SORCS1: variants seen among roughly 807,000 people sequenced by gnomAD.
SORCS1 encodes sortilin related VPS10 domain containing receptor 1.
Under a neutral mutation model 146.1 loss-of-function variants are expected in SORCS1, and 60 were observed. The ratio of observed to expected loss-of-function variants is 0.41; its 90% CI spans 0.33 to 0.51. SORCS1 has a LOEUF of 0.51. Ranked by LOEUF, SORCS1 falls within the 20% of genes least tolerant of loss-of-function variation. The pLI is 0.21. For missense variants in SORCS1, 1,352 were observed against 1,487.6 expected (o/e 0.91, Z 1.50); for synonymous variants, 637 against 584.0 (o/e 1.09, Z -1.31).
At chr10:106,979,589 CA>C (rs748930225) in intron 1 of SORCS1, among the ~76,000 whole-genome samples, 149 of 147,694 alleles carry the variant, frequency 1.0e-3, no homozygotes, top group African/African-American at 3.1e-3. Context: ...AAACAAAAAA[CA>C]AAAAAAAAAC....
intron 2 of SORCS1, among the ~76,000 whole-genome samples, chr10:106,937,820 C>T (rs572701734): frequency 5.3e-4 from 81 of 151,806 alleles, no homozygotes; most frequent in African/African-American, 8.2e-4. Context: ...AAAAATTAGC[C>T]GGACATGGTG....
At chr10:107,027,656 C>A (rs1420759231) in intron 1 of SORCS1, among the ~76,000 whole-genome samples, 1 of 152,158 alleles carries the variant, frequency 6.6e-6, no homozygotes, top group African/African-American at 2.4e-5. Context: ...CTGGATCCAG[C>A]CTGATTTATC....
chr10:106,883,952 C>G (rs978464055), intron 2 of SORCS1, among the ~76,000 whole-genome samples: 3 of 152,150 alleles, frequency 2.0e-5, no homozygotes, highest in Non-Finnish European at 4.4e-5. Flanking sequence ...ACACCCATAG[C>G]TAGAGTTCTG....
rs1969123835 is a variant in SORCS1 at position 107,154,578 on chromosome 10, A to G, written c.558+9391T>C. On this transcript the variant is annotated intron_variant, in intron 1 of 25. Transcript: ENST00000263054. ...TAAAATTGGAAATATTTAGTAAGCA[A>G]ATATTAAGTGGAAACAGCTAGAGTT... 2.0e-5 allele frequency among the ~76,000 whole-genome samples: 3 copies of G among 152,344 alleles called. 1 individual carries two copies. The South Asian group carries it at 6.2e-4, about 32-fold the overall frequency.
At chr10:106,612,473 A>G (rs1847072671) in intron 21 of SORCS1, among the ~76,000 whole-genome samples, 1 of 140,356 alleles carries the variant, frequency 7.1e-6, no homozygotes. Context: ...GGGCTTAGGG[A>G]TTGGTTTGAC....
At chr10:106,722,342 A>G (rs1289976466) in intron 6 of SORCS1, among the ~76,000 whole-genome samples, 1 of 152,170 alleles carries the variant, frequency 6.6e-6, no homozygotes, top group Non-Finnish European at 1.5e-5. Context: ...TACCTTATCC[A>G]GATTTTGACA....
chr10:106,971,227 G>C (rs1955772467), intron 1 of SORCS1, among the ~76,000 whole-genome samples: 2 of 152,140 alleles, frequency 1.3e-5, no homozygotes, highest in African/African-American at 4.8e-5. Context: ...CTCTAAGTAA[G>C]AATGGCCTGG....
At chr10:106,638,893 C>T (rs553063412) in intron 18 of SORCS1, among the ~76,000 whole-genome samples, 48 of 152,268 alleles carry the variant, frequency 3.2e-4, no homozygotes, top group African/African-American at 1.1e-3. Context: ...GATGGTAGGA[C>T]CTGATGATCC....
chr10:107,143,784 G>A (rs984880672), intron 1 of SORCS1, among the ~76,000 whole-genome samples: 2 of 152,008 alleles, frequency 1.3e-5, no homozygotes, highest in South Asian at 4.2e-4. Flanking sequence ...GATTATGGGT[G>A]TGAGCCACCA....
At chr10:106,889,436 G>A (rs1006585111) in intron 2 of SORCS1, among the ~76,000 whole-genome samples, 1 of 152,070 alleles carries the variant, frequency 6.6e-6, no homozygotes, top group African/African-American at 2.4e-5. Flanking sequence ...ACAAAAGAGA[G>A]CCCCAGGTAA....
At chr10:106,774,670 A>G (rs937457526) in intron 4 of SORCS1, among the ~76,000 whole-genome samples, 2 of 152,196 alleles carry the variant, frequency 1.3e-5, no homozygotes, top group Non-Finnish European at 2.9e-5. Flanking sequence ...CTAGATCTCT[A>G]TCTCCTGAAC....
At chr10:106,834,413 T>C (rs541569391) in intron 2 of SORCS1, among the ~76,000 whole-genome samples, 1 of 152,352 alleles carries the variant, frequency 6.6e-6, no homozygotes, top group Admixed American at 6.5e-5. Context: ...TATTCTAATA[T>C]ACATTGAACC....
rs1187131111 is a variant in SORCS1, at chr10:106,910,374, T to C, written c.626+46139A>G. 3.3e-5 allele frequency among the ~76,000 whole-genome samples: 5 copies of C among 151,638 alleles called. No individual in the cohort carries two copies. The East Asian group carries it at 9.7e-4, about 29-fold the overall frequency. On this transcript the variant is annotated intron_variant, in intron 2 of 25. Transcript: ENST00000263054. The stretch of plus-strand genomic sequence containing the variant: ...CACAAGCGAGAGAGAGGGCCACATT[T>C]TATATAGTTAATGACAGTATCATAT...
At chr10:106,842,090 G>A (rs886533967) in intron 2 of SORCS1, among the ~76,000 whole-genome samples, 3 of 152,042 alleles carry the variant, frequency 2.0e-5, no homozygotes, top group Non-Finnish European at 4.4e-5. Context: ...GGCATTTGGT[G>A]TTCTCAGTGT....
At chr10:106,921,414 T>G (rs1952705199) in intron 2 of SORCS1, among the ~76,000 whole-genome samples, 1 of 152,204 alleles carries the variant, frequency 6.6e-6, no homozygotes, top group Admixed American at 6.5e-5. Flanking sequence ...GAAAATGGAC[T>G]TCAGAGCATA....
chr10:106,745,423 G>GAAAAGA (rs1247384595), intron 5 of SORCS1, among the ~76,000 whole-genome samples: 1 of 148,788 alleles, frequency 6.7e-6, no homozygotes, highest in Non-Finnish European at 1.5e-5. Flanking sequence ...AAAAAAAAAA[G>GAAAAGA]AAAAGAAAAA....
intron 19 of SORCS1, among the ~76,000 whole-genome samples, chr10:106,623,493 C>T (rs1057175150): frequency 6.6e-6 from 1 of 151,660 alleles, no homozygotes; most frequent in African/African-American, 2.4e-5. Flanking sequence ...ATCCGCCCGC[C>T]TCGGCCTCCC....
chr10:106,967,436 C>A (rs1955549373), intron 1 of SORCS1, among the ~76,000 whole-genome samples: 2 of 151,806 alleles, frequency 1.3e-5, no homozygotes, highest in Non-Finnish European at 1.5e-5. Context: ...AATGTAATCC[C>A]AAAAGAGTAG....
chr10:106,605,006 G>C (rs1846475559), intron 23 of SORCS1, among the ~76,000 whole-genome samples: 1 of 152,204 alleles, frequency 6.6e-6, no homozygotes, highest in Admixed American at 6.5e-5. Context: ...AAATATCAGA[G>C]GTGAAACTAG....
Sources: allele counts gnomAD v4.1 joint callset (sites outside exome capture counted in the v4.1 genomes callset), GRCh38; gene constraint gnomAD v4.1.1; transcripts MANE v1.5; gene names NCBI Gene and HGNC (gene_info 2026-07-23, HGNC 2026-07-21).